TRIM71: variants seen among roughly 807,000 people sequenced by gnomAD.
TRIM71 encodes E3 ubiquitin-protein ligase TRIM71.
A neutral mutation model predicts 61.2 loss-of-function variants in TRIM71; 9 were observed. That is an observed-to-expected ratio of 0.15 (90% confidence interval 0.09 to 0.26). TRIM71 has a LOEUF of 0.26. TRIM71 is among the 10% of genes least tolerant of loss of function. The pLI is 1.00. For missense variants in TRIM71, 998 were observed against 1,238.7 expected (o/e 0.81, Z 2.92); for synonymous variants, 645 against 553.2 (o/e 1.17, Z -2.33).
At chr3:32,824,760 A>C (rs1338569299) in intron 1 of TRIM71, among the ~76,000 whole-genome samples, 1 of 152,108 alleles carries the variant, frequency 6.6e-6, no homozygotes, top group Non-Finnish European at 1.5e-5. Context: ...CTGGGATTTC[A>C]GTCATGAGCC....
chr3:32,884,986 C>G (rs1696944706), intron 2 of TRIM71, among the ~76,000 whole-genome samples: 1 of 152,132 alleles, frequency 6.6e-6, no homozygotes, highest in Non-Finnish European at 1.5e-5. Context: ...GGATTGGAAC[C>G]TGGGTTACCT....
chr3:32,825,412 CCT>C (rs1346640602), intron 1 of TRIM71, among the ~76,000 whole-genome samples: 2 of 152,026 alleles, frequency 1.3e-5, no homozygotes, highest in East Asian at 1.9e-4. Context: ...AATTTAACCC[CCT>C]CTGAGTTATT....
chr3:32,876,557 C>T (rs1233852676), intron 2 of TRIM71, among the ~76,000 whole-genome samples: 1 of 152,200 alleles, frequency 6.6e-6, no homozygotes, highest in Non-Finnish European at 1.5e-5. Context: ...GCACTCCAGC[C>T]TGGACGACCG....
intron 1 of TRIM71, among the ~76,000 whole-genome samples, chr3:32,823,593 A>C (rs912990510): frequency 6.6e-6 from 1 of 152,186 alleles, no homozygotes; most frequent in African/African-American, 2.4e-5. Context: ...CTAGACTTCC[A>C]GTTCTTCATT....
At position 32,886,180 on chromosome 3, in the gene TRIM71, A is replaced by G. The variant is rs183115196; in HGVS notation, c.1155+112A>G. 172 of 1,327,752 alleles carry G rather than the reference A, an allele frequency of 1.3e-4. 1 individual carries two copies. The African/African-American group carries it at 2.1e-3, about 16-fold the overall frequency. 82.2% of individuals were successfully genotyped at this position (1,327,752 alleles called of 1,614,324 possible). On this transcript the variant is annotated intron_variant, in intron 3 of 3. Coordinates refer to ENST00000383763, the MANE Select transcript of TRIM71 (RefSeq NM_001039111.3). The stretch of plus-strand genomic sequence containing the variant: ...AGGAGCCAAGCTCTAAGTTTAAAAC[A>G]CTTCGTAATTTTCCAGAAAGCCTGT...
At chr3:32,843,976 A>G in intron 1 of TRIM71, among the ~76,000 whole-genome samples, 1 of 152,102 alleles carries the variant, frequency 6.6e-6, no homozygotes, top group East Asian at 1.9e-4. Context: ...TTAGAGTCTC[A>G]AGATGTTTTA....
At chr3:32,861,431 C>CAATA (rs1696667122) in intron 1 of TRIM71, among the ~76,000 whole-genome samples, 1 of 144,644 alleles carries the variant, frequency 6.9e-6, no homozygotes, top group East Asian at 2.6e-4. Flanking sequence ...CGTGCCCAGC[C>CAATA]AATAAATAAA....
intron 1 of TRIM71, among the ~76,000 whole-genome samples, chr3:32,840,181 C>T (rs536797473): frequency 6.6e-6 from 1 of 152,292 alleles, no homozygotes; most frequent in South Asian, 2.1e-4. Flanking sequence ...AGTGCACCAG[C>T]ACAGGGAGGG....
rs1270162461 is a variant in TRIM71, at chr3:32,894,313, AT to A, written c.*2506del. 6.6e-6 allele frequency: 1 copy of A among 152,146 alleles called. No homozygotes were observed. The highest frequency in any genetic ancestry group is 2.4e-5 in the African/African-American group (1 of 41,434). 9.4% of individuals were successfully genotyped at this position (152,146 alleles called of 1,614,324 possible). ...TTCTAATTTCCCCAGATGTAGGAAA[AT>A]TTTGGGACCTGAATGAGAAATGTTC... On this transcript the variant is annotated 3_prime_UTR_variant, in exon 4 of 4. Coordinates refer to ENST00000383763, the MANE Select transcript of TRIM71 (RefSeq NM_001039111.3).
Position 32,896,483 on chromosome 3 carries a change from G to A in TRIM71, c.*4672G>A, listed in dbSNP as rs1299949965. 6.6e-6 allele frequency: 1 copy of A among 151,924 alleles called. No individual in the cohort carries two copies. The highest frequency in any genetic ancestry group is 2.4e-5 in the African/African-American group (1 of 41,362). 9.4% of individuals were successfully genotyped at this position (151,924 alleles called of 1,614,324 possible). ...TTTATTAAATACTTGATAAAGTTGA[G>A]AAGCACATTACCAGGATATACTGTA... On this transcript the variant is annotated 3_prime_UTR_variant, in exon 4 of 4. Coordinates refer to ENST00000383763, the MANE Select transcript of TRIM71 (RefSeq NM_001039111.3).
At chr3:32,867,177 CT>C (rs1453523421) in intron 1 of TRIM71, among the ~76,000 whole-genome samples, 10 of 152,064 alleles carry the variant, frequency 6.6e-5, no homozygotes, top group African/African-American at 2.2e-4. Flanking sequence ...TACCACCCCC[CT>C]CCCCCTCCTC....
chr3:32,835,986 C>CT (rs1217243148), intron 1 of TRIM71, among the ~76,000 whole-genome samples: 1 of 152,110 alleles, frequency 6.6e-6, no homozygotes, highest in Non-Finnish European at 1.5e-5. Context: ...TAAACTTGGC[C>CT]TTTATGGTGT....
In TRIM71 at chr3:32,859,234, C is replaced by T. The variant is rs561320963; in HGVS notation, c.853-14584C>T. Among the ~76,000 whole-genome samples the T allele has an allele frequency of 3.3e-5, 5 of 152,276 alleles. No individual in the cohort carries two copies. The East Asian group carries it at 9.6e-4, about 29-fold the overall frequency. ...CCATCATTTGCAAAAAGAGGAAAAACATGATGAGTGGTACCGCGATTTTAG... is the reference window on the plus strand; with the variant it reads ...CCATCATTTGCAAAAAGAGGAAAAATATGATGAGTGGTACCGCGATTTTAG... On this transcript the variant is annotated intron_variant, in intron 1 of 3. Coordinates refer to ENST00000383763, the MANE Select transcript of TRIM71 (RefSeq NM_001039111.3).
At chr3:32,838,540 T>C (rs62661560) in intron 1 of TRIM71, among the ~76,000 whole-genome samples, 3 of 127,172 alleles carry the variant, frequency 2.4e-5, no homozygotes, top group Non-Finnish European at 3.5e-5. Context: ...TTTTTTTTTT[T>C]AATCAAGCAT....
Position 32,893,860 on chromosome 3 carries a change from A to G in TRIM71, c.*2049A>G, listed in dbSNP as rs1202468666. Reference sequence around the variant, plus strand: ...TTTCTGAGTGACCAAAATGGGAAGGAAAAAAAAAACCTCATCTCACAGAGG... The same window carrying G: ...TTTCTGAGTGACCAAAATGGGAAGGGAAAAAAAAACCTCATCTCACAGAGG... On this transcript the variant is annotated 3_prime_UTR_variant, in exon 4 of 4. Transcript: ENST00000383763. 2 of 149,680 alleles carry G rather than the reference A, an allele frequency of 1.3e-5. No homozygotes were observed. The highest frequency in any genetic ancestry group is 2.5e-5 in the African/African-American group (1 of 40,780). 9.3% of individuals were successfully genotyped at this position (149,680 alleles called of 1,614,324 possible).
At chr3:32,888,741 T>TG (rs1398349902) in intron 3 of TRIM71, among the ~76,000 whole-genome samples, 1 of 152,206 alleles carries the variant, frequency 6.6e-6, no homozygotes, top group African/African-American at 2.4e-5. Context: ...GGTCTCACTA[T>TG]GTTGGCCAGA....
At chr3:32,868,632 A>G (rs1421001268) in intron 1 of TRIM71, among the ~76,000 whole-genome samples, 1 of 151,602 alleles carries the variant, frequency 6.6e-6, no homozygotes, top group Admixed American at 6.6e-5. Context: ...CGCCTAGAAT[A>G]AAGCTTTTTT....
At chr3:32,833,431 C>G (rs1304113330) in intron 1 of TRIM71, among the ~76,000 whole-genome samples, 1 of 151,862 alleles carries the variant, frequency 6.6e-6, no homozygotes, top group East Asian at 1.9e-4. Context: ...TAAGATGATT[C>G]CCTGCCTTTG....
At chr3:32,870,526 G>A (rs1331172151) in intron 1 of TRIM71, among the ~76,000 whole-genome samples, 1 of 152,018 alleles carries the variant, frequency 6.6e-6, no homozygotes, top group African/African-American at 2.4e-5. Context: ...TTGTATATCT[G>A]GGCTCTCAAG....
Sources: gnomAD v4.1 joint callset for allele counts (sites outside exome capture counted in the v4.1 genomes callset) on GRCh38, gnomAD v4.1.1 for gene constraint, MANE v1.5 for transcripts, NCBI Gene and HGNC (gene_info 2026-07-23, HGNC 2026-07-21) for gene names.